Variants in AOC2 observed in about 807,000 individuals in gnomAD.
AOC2 encodes amine oxidase copper containing 2, also known as amine oxidase [copper-containing] 2.
In AOC2, 57 loss-of-function variants were observed where a neutral mutation model predicts 53.8. The observed-to-expected ratio is 1.06, with a 90% confidence interval of 0.86 to 1.32. The LOEUF (loss-of-function observed/expected upper bound fraction) is 1.32, where lower values mean the gene tolerates loss of function less well. Among genes scored for constraint, AOC2 ranks in the 40% most tolerant of loss-of-function variants. The probability of loss-of-function intolerance (pLI) is 0.00; values close to 1 mark genes in which losing one functional copy is unlikely to be tolerated. For missense variants in AOC2, 1,008 were observed against 957.2 expected (o/e 1.05, Z -0.70); for synonymous variants, 404 against 399.0 (o/e 1.01, Z -0.15).
rs191448188 is a variant in AOC2 at position 42,850,368 on chromosome 17, G to C, written c.*20G>C. The C allele has an allele frequency of 6.4e-7, 1 of 1,565,748 alleles. No homozygotes were observed. The stretch of plus-strand genomic sequence containing the variant: ...TTCTAGTCCTGAGGGTGTGGCGGGC[G>C]GCGTGGTTAGGCACATGTACTTTTC... On this transcript the variant is annotated 3_prime_UTR_variant, in exon 4 of 4. Transcript: ENST00000253799.
At position 42,844,637 on chromosome 17, in the gene AOC2, A is replaced by G. The variant is rs1311932216; in HGVS notation, c.11A>G (p.Lys4Arg). Residue 4 changes from lysine to arginine, a missense_variant, in exon 1 of 4, where the codon AAG (lysine) becomes AGG (arginine). Transcript: ENST00000253799. MHLKIVLAFLALSL... is the reference protein window; with the variant it reads MHLRIVLAFLALSL... ...CTCTCAGCATCCACCATGCATCTCAAGATAGTCCTGGCGTTCCTGGCACTG... is the reference window on the plus strand; with the variant it reads ...CTCTCAGCATCCACCATGCATCTCAGGATAGTCCTGGCGTTCCTGGCACTG... 6.2e-7 allele frequency: 1 copy of G among 1,611,560 alleles called. No individual in the cohort carries two copies. Among genetic ancestry groups the G allele is most frequent in the South Asian group, 1.1e-5 (1 of 90,936 alleles).
rs1187362029 is a variant in AOC2 at position 42,845,973 on chromosome 17, G to A, written c.1347G>A (p.Leu449=). 1.9e-6 allele frequency: 3 copies of A among 1,614,196 alleles called. No individual in the cohort carries two copies. The highest frequency in any genetic ancestry group is 2.5e-6 in the Non-Finnish European group (3 of 1,180,036). ...NYLQNHFYGG[L]ASSALVVRSV... is the part of the protein sequence containing the mutation. ...TTCAAAATCATTTCTATGGTGGTTT[G>A]GCCAGCTCAGCCCTTGTGGTCAGGT... The change falls in exon 1 of 4, where the codon TTG becomes TTA. Residue 449 remains leucine (L), a synonymous_variant. Coordinates refer to ENST00000253799, the MANE Select transcript of AOC2 (RefSeq NM_009590.4).
intron 1 of AOC2, 121 bp downstream of exon 1, chr17:42,846,335 A>C (rs2055599695): frequency 1.3e-5 from 15 of 1,124,216 alleles, no homozygotes; most frequent in Non-Finnish European, 1.8e-5. Context: ...GTGTTCCAAC[A>C]CCACAGCTCT....
Position 42,845,310 on chromosome 17 carries a change from A to G in AOC2, c.684A>G (p.Ser228=), listed in dbSNP as rs533881750. 3.2e-5 allele frequency: 51 copies of G among 1,613,340 alleles called. No homozygotes were observed. In the South Asian group the frequency reaches 4.6e-4, roughly 15 times the overall value. The change falls in exon 1 of 4, where the codon TCA becomes TCG. Residue 228 remains serine (S), a synonymous_variant. Coordinates refer to ENST00000253799, the MANE Select transcript of AOC2 (RefSeq NM_009590.4). ...ATWMALYHNI[S]GVGLFLHPVG... ...GGATGGCCCTCTACCATAACATCTC[A>G]GGGGTTGGTCTTTTCCTTCACCCCG...
chr17:42,848,546 C>CATGTATATATATATATATATATACAT (rs2055617249), intron 1 of AOC2, among the ~76,000 whole-genome samples: 1 of 117,694 alleles, frequency 8.5e-6, no homozygotes, highest in African/African-American at 3.9e-5. Flanking sequence ...TATATATATA[C>CATGTATATATATATATATATATACAT]ATATATATAT....
rs1181397569 is a variant in AOC2, at chr17:42,848,544, T to TATATATAC, written c.1589-541_1589-540insTATATACA. Among the ~76,000 whole-genome samples the TATATATAC allele has an allele frequency of 2.1e-4, 27 of 129,862 alleles. 1 individual carries two copies. The highest frequency in any genetic ancestry group is 8.0e-4 in the African/African-American group (23 of 28,772). 85.2% of individuals were successfully genotyped at this position (129,862 alleles called of 152,430 possible). On this transcript the variant is annotated intron_variant, in intron 1 of 3. Transcript: ENST00000253799. ...AACTGAATATATATATATATATATA[T>TATATATAC]ACATATATATATATATATATATTTT...
Position 42,850,146 on chromosome 17 carries a change from C to T in AOC2, c.2069C>T (p.Thr690Ile). 1 of 1,614,212 alleles carries T rather than the reference C, an allele frequency of 6.2e-7. No homozygotes were observed. Among genetic ancestry groups the T allele is most frequent in the South Asian group, 1.1e-5 (1 of 91,080 alleles). The change falls in exon 4 of 4, where the codon ACA becomes ATA. Residue 690 changes from threonine (T) to isoleucine (I), a missense_variant. Coordinates refer to ENST00000253799, the MANE Select transcript of AOC2 (RefSeq NM_009590.4). ...HIPHAEDIPN[T>I]VTLGNRVGFL... is the part of the protein sequence containing the mutation. ...CCCCATGCCGAGGACATCCCAAACA[C>T]AGTGACTCTGGGGAACAGAGTTGGC...
Position 42,845,142 on chromosome 17 carries a change from T to G in AOC2, c.516T>G (p.Phe172Leu). 6.2e-7 allele frequency: 1 copy of G among 1,613,752 alleles called. No individual in the cohort carries two copies. The highest frequency in any genetic ancestry group is 1.1e-5 in the South Asian group (1 of 91,086). The change falls in exon 1 of 4, where the codon TTT becomes TTG. Residue 172 changes from phenylalanine (F) to leucine (L), a missense_variant. By Grantham distance (22) the Phe-to-Leu change is conservative. Coordinates refer to ENST00000253799, the MANE Select transcript of AOC2 (RefSeq NM_009590.4). ...YHRRPVLRAE[F>L]TQMWRHLKEV... ...GTCGCCCGGTGCTGAGAGCTGAGTTTACACAGATGTGGAGGCATCTGAAAG... is the reference window on the plus strand; with the variant it reads ...GTCGCCCGGTGCTGAGAGCTGAGTTGACACAGATGTGGAGGCATCTGAAAG...
rs1237285430 is a variant in AOC2, at chr17:42,845,767, A to T, written c.1141A>T (p.Ser381Cys). ...PKTMLTRYLD[S>C]SFGLGRNSRG... is the part of the protein sequence containing the mutation. Reference sequence around the variant, plus strand: ...GACGATGCTGACTCGCTATTTGGATAGCAGCTTTGGACTCGGCCGTAACAG... The same window carrying T: ...GACGATGCTGACTCGCTATTTGGATTGCAGCTTTGGACTCGGCCGTAACAG... The change falls in exon 1 of 4, where the codon AGC becomes TGC. Residue 381 changes from serine to cysteine, a missense_variant. Transcript: ENST00000253799. The T allele has an allele frequency of 6.2e-7, 1 of 1,614,034 alleles. No homozygotes were observed. Among genetic ancestry groups the T allele is most frequent in the African/African-American group, 1.3e-5 (1 of 74,902 alleles).
At chr17:42,849,853 G>A (rs1200938526) in intron 3 of AOC2, 123 bp downstream of exon 3, 3 of 1,438,642 alleles carry the variant, frequency 2.1e-6, no homozygotes, top group Non-Finnish European at 2.9e-6. Context: ...AGGCCATGGA[G>A]TTTTCTGATG....
chr17:42,850,442 G>C lies in AOC2; in HGVS notation c.*94G>C. The C allele has an allele frequency of 7.0e-7, 1 of 1,430,616 alleles. No homozygotes were observed. The highest frequency in any genetic ancestry group is 9.3e-7 in the Non-Finnish European group (1 of 1,075,742). The allele number at this position is 1,430,616 out of a possible 1,614,324, so 88.6% of individuals were successfully genotyped here. On this transcript the variant is annotated 3_prime_UTR_variant, in exon 4 of 4. Transcript: ENST00000253799. ...GTGTTTTTATCACACCTGCTCCCCA[G>C]ATTCCCACCCCCTCAATGTTCCTCT...
In AOC2 at chr17:42,845,704, C is replaced by A. The variant is rs1253574269; in HGVS notation, c.1078C>A (p.Gln360Lys). The change falls in exon 1 of 4, where the codon CAG becomes AAG. Residue 360 changes from glutamine (Q) to lysine (K), a missense_variant. Physicochemically the swap from Gln to Lys is moderately conservative, Grantham distance 53 (BLOSUM62 1). Transcript: ENST00000253799. ...GCGAATAGCCTATGAAGTCAGTGTC[C>A]AGGAGTGTGTATCTATCTATGGTGC... The part of the protein sequence containing the change: ...GERIAYEVSV[Q>K]ECVSIYGADS... The A allele has an allele frequency of 2.5e-6, 4 of 1,614,150 alleles. No individual in the cohort carries two copies. Among genetic ancestry groups the A allele is most frequent in the Non-Finnish European group, 3.4e-6 (4 of 1,180,036 alleles).
chr17:42,848,106 C>G (rs1397097370), intron 1 of AOC2, among the ~76,000 whole-genome samples: 1 of 109,812 alleles, frequency 9.1e-6, no homozygotes. Context: ...GGCAGTGTTT[C>G]ATTCCGTTAC....
intron 1 of AOC2, among the ~76,000 whole-genome samples, chr17:42,848,566 T>TATATA (rs2055618360): frequency 1.4e-5 from 2 of 145,734 alleles, no homozygotes; most frequent in African/African-American, 5.2e-5. Flanking sequence ...TATATATATA[T>TATATA]TTTAGACAGA....
rs753846645 is a variant in AOC2, at chr17:42,845,483, C to T, written c.857C>T (p.Pro286Leu). Reference sequence around the variant, plus strand: ...GGCCGGTTGGAAGTGGTTAGAGTCCCTCTACCTCCACCAAATGGAGCTTCA... The same window carrying T: ...GGCCGGTTGGAAGTGGTTAGAGTCCTTCTACCTCCACCAAATGGAGCTTCA... ...KSGRLEVVRV[P>L]LPPPNGASSL... The change falls in exon 1 of 4, where the codon CCT becomes CTT. Residue 286 changes from proline (P) to leucine (L), a missense_variant. Physicochemically the swap from Pro to Leu is moderately conservative, Grantham distance 98. Coordinates refer to ENST00000253799, the MANE Select transcript of AOC2 (RefSeq NM_009590.4). 2 of 1,614,168 alleles carry T rather than the reference C, an allele frequency of 1.2e-6. No homozygotes were observed. The highest frequency in any genetic ancestry group is 2.2e-5 in the South Asian group (2 of 91,078).
At chr17:42,849,475 T>A in intron 2 of AOC2, 104 bp downstream of exon 2, 1 of 1,579,322 alleles carries the variant, frequency 6.3e-7, no homozygotes, top group Non-Finnish European at 8.6e-7. Flanking sequence ...TCCCTGTACC[T>A]CCCCTCAAAC....
At position 42,850,642 on chromosome 17, in the gene AOC2, G is replaced by T. The variant is rs939885171; in HGVS notation, c.*294G>T. On this transcript the variant is annotated 3_prime_UTR_variant, in exon 4 of 4. Coordinates refer to ENST00000253799, the MANE Select transcript of AOC2 (RefSeq NM_009590.4). ...CTCTTTATGCATGTGCATTCAAAAG[G>T]AAGAGTAGATAGAATTTTGTAAAAC... is the stretch of plus-strand genomic sequence containing the variant. 3.5e-6 allele frequency: 1 copy of T among 284,816 alleles called. No individual in the cohort carries two copies. Among genetic ancestry groups the T allele is most frequent in the Non-Finnish European group, 6.5e-6 (1 of 154,840 alleles). The allele number at this position is 284,816 out of a possible 1,614,324, so 17.6% of individuals were successfully genotyped here.
intron 1 of AOC2, among the ~76,000 whole-genome samples, chr17:42,848,509 G>A (rs1243070619): frequency 1.4e-5 from 2 of 143,126 alleles, no homozygotes; most frequent in Admixed American, 7.0e-5. Flanking sequence ...TGTGGCTAGT[G>A]TGACAGAGGA....
chr17:42,845,831 C>T lies in AOC2; in HGVS notation c.1205C>T (p.Ala402Val). 3 of 1,614,134 alleles carry T rather than the reference C, an allele frequency of 1.9e-6. No individual in the cohort carries two copies. The highest frequency in any genetic ancestry group is 2.5e-6 in the Non-Finnish European group (3 of 1,180,040). The part of the protein sequence containing the change: ...LVRGVDCPYQ[A>V]TMVDIHILVG... ...CGGGGAGTGGACTGCCCCTATCAAG[C>T]CACGATGGTGGACATCCATATATTA... Residue 402 changes from alanine (A) to valine (V), a missense_variant, in exon 1 of 4, where the codon GCC becomes GTC. By Grantham distance (64) the Ala-to-Val change is moderately conservative. Transcript: ENST00000253799.
Sources: gnomAD v4.1 joint callset for allele counts (sites outside exome capture counted in the v4.1 genomes callset) on GRCh38, gnomAD v4.1.1 for gene constraint, MANE v1.5 for transcripts, NCBI Gene and HGNC (gene_info 2026-07-23, HGNC 2026-07-21) for gene names.